The following HOXC8 variants were observed in gnomAD, a reference collection of about 807,000 sequenced individuals.
The protein encoded by HOXC8 is homeobox protein Hox-C8.
In HOXC8, 14 loss-of-function variants were observed where a neutral mutation model predicts 25.8. The ratio of observed to expected loss-of-function variants is 0.54; its 90% CI spans 0.36 to 0.85. The LOEUF (loss-of-function observed/expected upper bound fraction) is 0.85, where lower values mean the gene tolerates loss of function less well. HOXC8 is among the 40% of genes least tolerant of loss of function. The pLI, the probability that HOXC8 is intolerant of heterozygous loss-of-function variation, is 0.01. For missense variants in HOXC8, 316 were observed against 308.8 expected (o/e 1.02, Z -0.17); for synonymous variants, 144 against 124.6 (o/e 1.16, Z -1.04).
chr12:54,010,578 G>C (rs921072820), intron 1 of HOXC8, among the ~76,000 whole-genome samples: 1 of 152,184 alleles, frequency 6.6e-6, no homozygotes, highest in African/African-American at 2.4e-5. Context: ...TTTATTTGCT[G>C]GTCTCCAGTT....
Position 54,009,241 on chromosome 12 carries a change from C to A in HOXC8, c.-44C>A, listed in dbSNP as rs200420679. 3.4e-6 allele frequency: 5 copies of A among 1,489,408 alleles called. No individual in the cohort carries two copies. The highest frequency in any genetic ancestry group is 4.6e-6 in the Non-Finnish European group (5 of 1,098,734). The allele number at this position is 1,489,408 out of a possible 1,614,324, so 92.3% of individuals were successfully genotyped here. On this transcript the variant is annotated 5_prime_UTR_variant, in exon 1 of 2. Transcript: ENST00000040584. The surrounding 1 kb of genome is among the most constrained non-coding windows in gnomAD (Gnocchi z 5.0). ...TTTCGGGGGTACTGGGCGGGGTACT[C>A]GTGAGCCAGAGGGGAGGGGGCCGCG...
rs369779431 is a variant in HOXC8, at chr12:54,010,688, G to GC, written c.437-397dup. Among the ~76,000 whole-genome samples the GC allele has an allele frequency of 3.5e-3, 528 of 152,382 alleles. 5 individuals carry two copies. The highest frequency in any genetic ancestry group is 0.012 in the African/African-American group (503 of 41,592). On this transcript the variant is annotated intron_variant, in intron 1 of 1. Transcript: ENST00000040584. ...AGACAAGGAGAGGGCAGTGGGCAGA[G>GC]CCCCTCTTCTTTACCCCCAGCTTTT...
Position 54,011,147 on chromosome 12 carries a change from A to C in HOXC8, c.495A>C (p.Glu165Asp). Residue 165 changes from glutamate to aspartate, a missense_variant, in exon 2 of 2, where the codon GAA (glutamate) becomes GAC (aspartate). Transcript: ENST00000040584. ...TYSRYQTLEL[E>D]KEFLFNPYLT... is the part of the protein sequence containing the mutation. ...GCCGGTATCAGACCTTGGAACTAGA[A>C]AAGGAGTTTCTCTTTAATCCTTATT... 6.2e-7 allele frequency: 1 copy of C among 1,614,158 alleles called. No homozygotes were observed.
chr12:54,009,356 C>T lies in HOXC8; in HGVS notation c.72C>T (p.Tyr24=). 2 of 1,613,016 alleles carry T rather than the reference C, an allele frequency of 1.2e-6. No homozygotes were observed. Among genetic ancestry groups the T allele is most frequent in the Non-Finnish European group, 1.7e-6 (2 of 1,179,152 alleles). Residue 24 remains tyrosine (Y), a synonymous_variant, in exon 1 of 2, where the codon TAC becomes TAT. Coordinates refer to ENST00000040584, the MANE Select transcript of HOXC8 (RefSeq NM_022658.4). The surrounding 1 kb of genome is among the most constrained non-coding windows in gnomAD (Gnocchi z 5.0). ...GCGAGTCCCTGGAACCGGCCTATTA[C>T]GACTGCCGGTTCCCTCAGAGCGTGG... is the stretch of plus-strand genomic sequence containing the variant. ...KAGESLEPAY[Y]DCRFPQSVGR...
Position 54,011,522 on chromosome 12 carries a change from T to C in HOXC8, c.*141T>C. ...CTCACAACTCTAACTACCTGTCAGATACTTGCAGCTCTGGTTTTATTACCT... is the reference window on the plus strand; with the variant it reads ...CTCACAACTCTAACTACCTGTCAGACACTTGCAGCTCTGGTTTTATTACCT... On this transcript the variant is annotated 3_prime_UTR_variant, in exon 2 of 2. Coordinates refer to ENST00000040584, the MANE Select transcript of HOXC8 (RefSeq NM_022658.4). 1 of 1,041,782 alleles carries C rather than the reference T, an allele frequency of 9.6e-7. No individual in the cohort carries two copies. The highest frequency in any genetic ancestry group is 1.3e-6 in the Non-Finnish European group (1 of 768,082). The allele number at this position is 1,041,782 out of a possible 1,614,324, so 64.5% of individuals were successfully genotyped here.
In HOXC8 at chr12:54,009,537, G is replaced by A. The variant is rs1939935867; in HGVS notation, c.253G>A (p.Ala85Thr). ...NPCSLSCHGD[A>T]SKFYGYEALP... is the part of the protein sequence containing the mutation. The stretch of plus-strand genomic sequence containing the variant: ...GTGCTCGCTTAGCTGCCACGGAGAC[G>A]CCTCCAAATTCTATGGCTACGAGGC... The change falls in exon 1 of 2, where the codon GCC becomes ACC. Residue 85 changes from alanine to threonine, a missense_variant. Ala to Thr is a moderately conservative substitution (Grantham distance 58, BLOSUM62 0). Transcript: ENST00000040584. This position sits in a 1 kb window ranked among gnomAD's most constrained non-coding sequence, Gnocchi z 5.0. 6.2e-7 allele frequency: 1 copy of A among 1,614,100 alleles called. No individual in the cohort carries two copies. The highest frequency in any genetic ancestry group is 1.3e-5 in the African/African-American group (1 of 74,936).
chr12:54,011,386 A>G lies in HOXC8; in HGVS notation c.*5A>G. On this transcript the variant is annotated 3_prime_UTR_variant, in exon 2 of 2. Coordinates refer to ENST00000040584, the MANE Select transcript of HOXC8 (RefSeq NM_022658.4). Reference sequence around the variant, plus strand: ...AAGGAAGAAAACAAGGACTAAGCAAAAAAGAAAGACCCCCCCCCCCTTAGC... The same window carrying G: ...AAGGAAGAAAACAAGGACTAAGCAAGAAAGAAAGACCCCCCCCCCCTTAGC... The G allele has an allele frequency of 1.4e-6, 2 of 1,466,012 alleles. No homozygotes were observed. The highest frequency in any genetic ancestry group is 1.8e-6 in the Non-Finnish European group (2 of 1,119,114). 90.8% of individuals were successfully genotyped at this position (1,466,012 alleles called of 1,614,324 possible). A position where few individuals can be genotyped will look rare whatever the true frequency, so the allele number is the denominator to read the frequency against.
rs192449987 is a variant in HOXC8, at chr12:54,012,312, G to A, written c.*931G>A. On this transcript the variant is annotated 3_prime_UTR_variant, in exon 2 of 2. Transcript: ENST00000040584. ...AGAAAAATTTTAAAATCCTGCTATA[G>A]GAGAAAAAAAGAGAAAAAAATAAAA... The A allele has an allele frequency of 2.6e-4, 36 of 141,026 alleles. No homozygotes were observed. The highest frequency in any genetic ancestry group is 9.3e-4 in the African/African-American group (35 of 37,740). The allele number at this position is 141,026 out of a possible 1,614,324, so 8.7% of individuals were successfully genotyped here.
At position 54,010,223 on chromosome 12, in the gene HOXC8, G is replaced by A. The variant is rs373758481; in HGVS notation, c.436+503G>A. On this transcript the variant is annotated intron_variant, in intron 1 of 1. Transcript: ENST00000040584. ...TAGCCAGAGTGTGGTGAGACTCTAAGGACAGGCTCTCTGGCTCTCTAGGGC... is the reference window on the plus strand; with the variant it reads ...TAGCCAGAGTGTGGTGAGACTCTAAAGACAGGCTCTCTGGCTCTCTAGGGC... Among the ~76,000 whole-genome samples, 25 of 152,306 alleles carry A rather than the reference G, an allele frequency of 1.6e-4. No individual in the cohort carries two copies. The East Asian group carries it at 2.7e-3, about 16-fold the overall frequency.
rs1939918188 is a variant in HOXC8, at chr12:54,009,055, GC to G, written c.-227del. ...CCGCCGCCGCCGCCGCCCGCTCGCC[GC>G]CCGCCGCCGCCGCCGCCCGCGCCCC... is the stretch of plus-strand genomic sequence containing the variant. On this transcript the variant is annotated 5_prime_UTR_variant, in exon 1 of 2. Coordinates refer to ENST00000040584, the MANE Select transcript of HOXC8 (RefSeq NM_022658.4). This position sits in a 1 kb window ranked among gnomAD's most constrained non-coding sequence, Gnocchi z 5.0. The G allele has an allele frequency of 6.3e-6, 1 of 157,836 alleles. No individual in the cohort carries two copies. Among genetic ancestry groups the G allele is most frequent in the Non-Finnish European group, 1.3e-5 (1 of 74,320 alleles). 9.8% of individuals were successfully genotyped at this position (157,836 alleles called of 1,614,324 possible).
rs1209490177 is a variant in HOXC8, at chr12:54,009,679, ACTCGT to A, written c.399_403del (p.Ser134GlnfsTer36). On this transcript the variant is annotated frameshift_variant, in exon 1 of 2. Transcript: ENST00000040584. LOFTEE classifies it high-confidence loss of function. This position sits in a 1 kb window ranked among gnomAD's most constrained non-coding sequence, Gnocchi z 5.0. Reference sequence around the variant, plus strand: ...GAAGGACAAGGCCACTTAAATCAAAACTCGTCTCCCAGCCTCATGTTTCCATGGAT... The same window carrying A: ...GAAGGACAAGGCCACTTAAATCAAAACTCCCAGCCTCATGTTTCCATGGAT... 6.2e-7 allele frequency: 1 copy of A among 1,613,710 alleles called. No homozygotes were observed. The highest frequency in any genetic ancestry group is 8.5e-7 in the Non-Finnish European group (1 of 1,179,936).
chr12:54,010,144 A>C (rs1939952689), intron 1 of HOXC8, among the ~76,000 whole-genome samples: 1 of 152,146 alleles, frequency 6.6e-6, no homozygotes, highest in Non-Finnish European at 1.5e-5. Flanking sequence ...GGAGTCCAGG[A>C]CACTGGCCAG....
intron 1 of HOXC8, among the ~76,000 whole-genome samples, chr12:54,010,247 G>A (rs2136401985): frequency 6.6e-6 from 1 of 152,276 alleles, no homozygotes; most frequent in Non-Finnish European, 1.5e-5. Flanking sequence ...GCTCTCTAGG[G>A]CACCCATAAC....
Position 54,011,271 on chromosome 12 carries a change from GA to G in HOXC8, c.620del (p.Glu207GlyfsTer134). 1 of 1,608,052 alleles carries G rather than the reference GA, an allele frequency of 6.2e-7. No homozygotes were observed. The highest frequency in any genetic ancestry group is 8.5e-7 in the Non-Finnish European group (1 of 1,177,138). On this transcript the variant is annotated frameshift_variant, in exon 2 of 2. Transcript: ENST00000040584. LOFTEE classifies it high-confidence loss of function. ...FQNRRMKWKK[E>X]NNKDKLPGAR... Reference sequence around the variant, plus strand: ...GAACCGAAGGATGAAGTGGAAAAAGGAGAACAACAAGGATAAACTGCCGGGA... The same window carrying G: ...GAACCGAAGGATGAAGTGGAAAAAGGGAACAACAAGGATAAACTGCCGGGA...
Position 54,009,518 on chromosome 12 carries a change from G to A in HOXC8, c.234G>A (p.Ser78=), listed in dbSNP as rs369825482. 6.2e-7 allele frequency: 1 copy of A among 1,614,196 alleles called. No individual in the cohort carries two copies. The change falls in exon 1 of 2, where the codon TCG becomes TCA. Residue 78 remains serine, a synonymous_variant. Coordinates refer to ENST00000040584, the MANE Select transcript of HOXC8 (RefSeq NM_022658.4). The surrounding 1 kb of genome is among the most constrained non-coding windows in gnomAD (Gnocchi z 5.0). ...CAGGCTACCAGCAGAACCCGTGCTCGCTTAGCTGCCACGGAGACGCCTCCA... is the reference window on the plus strand; with the variant it reads ...CAGGCTACCAGCAGAACCCGTGCTCACTTAGCTGCCACGGAGACGCCTCCA... ...SNSGYQQNPC[S]LSCHGDASKF...
In HOXC8 at chr12:54,009,043, C is replaced by A; in HGVS notation, c.-242C>A. On this transcript the variant is annotated 5_prime_UTR_variant, in exon 1 of 2. Transcript: ENST00000040584. The surrounding 1 kb of genome is among the most constrained non-coding windows in gnomAD (Gnocchi z 5.0). ...TGAGGAGCGCCGCCGCCGCCGCCGC[C>A]GCCCGCTCGCCGCCCGCCGCCGCCG... 1 of 151,422 alleles carries A rather than the reference C, an allele frequency of 6.6e-6. No individual in the cohort carries two copies. The highest frequency in any genetic ancestry group is 1.8e-4 in the South Asian group (1 of 5,616). 9.4% of individuals were successfully genotyped at this position (151,422 alleles called of 1,614,324 possible). A position where few individuals can be genotyped will look rare whatever the true frequency, so the allele number is the denominator to read the frequency against.
chr12:54,010,490 G>A (rs1939964518), intron 1 of HOXC8, among the ~76,000 whole-genome samples: 1 of 152,182 alleles, frequency 6.6e-6, no homozygotes, highest in African/African-American at 2.4e-5. Context: ...GCCCCTCCAA[G>A]GGTGGCCCCT....
In HOXC8 at chr12:54,011,358, G is replaced by A. The variant is rs768111298; in HGVS notation, c.706G>A (p.Glu236Lys). The A allele has an allele frequency of 4.7e-5, 66 of 1,415,056 alleles. No individual in the cohort carries two copies. The highest frequency in any genetic ancestry group is 2.8e-4 in the South Asian group (17 of 59,744). The allele number at this position is 1,415,056 out of a possible 1,614,324, so 87.7% of individuals were successfully genotyped here. ...GNEEEEKEEE[E>K]KEENKD ...TGAGGAAGAGGAGAAAGAAGAGGAG[G>A]AAAAGGAAGAAAACAAGGACTAAGC... The change falls in exon 2 of 2, where the codon GAA becomes AAA. Residue 236 changes from glutamate (E) to lysine (K), a missense_variant. Physicochemically the swap from Glu to Lys is moderately conservative, Grantham distance 56. Coordinates refer to ENST00000040584, the MANE Select transcript of HOXC8 (RefSeq NM_022658.4).
chr12:54,010,826 G>C (rs1939975427), intron 1 of HOXC8, among the ~76,000 whole-genome samples: 1 of 152,118 alleles, frequency 6.6e-6, no homozygotes, highest in African/African-American at 2.4e-5. Flanking sequence ...TGGTGGGGGG[G>C]ATTCTACAGG....
Sources: gnomAD v4.1 joint callset for allele counts (sites outside exome capture counted in the v4.1 genomes callset) on GRCh38, gnomAD v4.1.1 for gene constraint, Gnocchi (gnomAD v3.1) non-coding constraint, MANE v1.5 for transcripts, NCBI Gene and HGNC (gene_info 2026-07-23, HGNC 2026-07-21) for gene names.